The following SLC36A1 variants were observed in gnomAD, a reference collection of about 807,000 sequenced individuals.
SLC36A1 encodes solute carrier family 36 member 1, also known as proton-coupled amino acid transporter 1.
In SLC36A1, 30 loss-of-function variants were observed where a neutral mutation model predicts 47.5. The ratio of observed to expected loss-of-function variants is 0.63; its 90% CI spans 0.47 to 0.86. SLC36A1 has a LOEUF of 0.86. Among genes scored for constraint, SLC36A1 ranks in the 40% least tolerant of loss-of-function variants. The pLI, the probability that SLC36A1 is intolerant of heterozygous loss-of-function variation, is 0.00. For synonymous variants in SLC36A1, 255 were observed against 249.7 expected (o/e 1.02, Z -0.20); for missense variants, 517 against 606.0 (o/e 0.85, Z 1.54).
chr5:151,473,579 T>C, intron 7 of SLC36A1, 94 bp from the exon 8 acceptor site: 1 of 765,656 alleles, frequency 1.3e-6, no homozygotes, highest in South Asian at 1.7e-5. Context: ...TTGGATTTGT[T>C]AAAAGGTATG....
the SLC36A1 span, chr5:151,511,949 C>T: frequency 1.7e-6 from 1 of 577,440 alleles, no homozygotes; most frequent in Non-Finnish European, 3.1e-6. Context: ...CCTCATCCCC[C>T]CAGAAGTAGA....
At chr5:151,418,378 C>T in the SLC36A1 span, among the ~76,000 whole-genome samples, 3 of 152,210 alleles carry the variant, frequency 2.0e-5, no homozygotes, top group Non-Finnish European at 2.9e-5. Flanking sequence ...TCAACACCAG[C>T]CCATGAAAAG....
At chr5:151,466,987 T>TA (rs1365310468) in intron 5 of SLC36A1, among the ~76,000 whole-genome samples, 1 of 152,026 alleles carries the variant, frequency 6.6e-6, no homozygotes, top group Non-Finnish European at 1.5e-5. Flanking sequence ...AAAGCACTGT[T>TA]AAAAAAACAC....
the SLC36A1 span, among the ~76,000 whole-genome samples, chr5:151,535,156 C>G: frequency 6.6e-6 from 1 of 151,886 alleles, no homozygotes; most frequent in African/African-American, 2.4e-5. Flanking sequence ...CAGTAAAACA[C>G]CATGTGTGGT....
At chr5:151,483,523 G>GA (rs1561784276) in intron 10 of SLC36A1, among the ~76,000 whole-genome samples, 1 of 144,528 alleles carries the variant, frequency 6.9e-6, no homozygotes, top group South Asian at 2.1e-4. Context: ...TGTGTGGGGG[G>GA]GGTGATTAGG....
At chr5:151,357,969 C>T in the SLC36A1 span, among the ~76,000 whole-genome samples, 2 of 152,144 alleles carry the variant, frequency 1.3e-5, no homozygotes, top group East Asian at 1.9e-4. Context: ...GTTCAGAGAG[C>T]TCCAGGCTGC....
chr5:151,387,020 T>G, the SLC36A1 span: 1 of 152,248 alleles, frequency 6.6e-6, no homozygotes, highest in African/African-American at 2.4e-5. Context: ...TGGGGCCTGG[T>G]GGAGGGACAG....
At chr5:151,555,969 G>A in the SLC36A1 span, among the ~76,000 whole-genome samples, 4 of 152,112 alleles carry the variant, frequency 2.6e-5, no homozygotes, top group Non-Finnish European at 5.9e-5. Flanking sequence ...GAAGACAAAG[G>A]TCTGGTTTTC....
At chr5:151,462,329 A>C (rs1465769461) in intron 2 of SLC36A1, among the ~76,000 whole-genome samples, 1 of 152,154 alleles carries the variant, frequency 6.6e-6, no homozygotes, top group Non-Finnish European at 1.5e-5. Context: ...CTGCATGGGT[A>C]AAAGATCCAT....
At chr5:151,385,009 A>AGAGAGAGTGTGTGTGTGTGTGTGTGT in the SLC36A1 span, among the ~76,000 whole-genome samples, 74 of 128,498 alleles carry the variant, frequency 5.8e-4, 1 homozygote, top group Non-Finnish European at 9.0e-4. Flanking sequence ...AGAGAGAGAG[A>AGAGAGAGTGTGTGTGTGTGTGTGTGT]GTGTGTGTGT....
the SLC36A1 span, among the ~76,000 whole-genome samples, chr5:151,522,768 T>G: frequency 6.6e-6 from 1 of 152,064 alleles, no homozygotes; most frequent in South Asian, 2.1e-4. Context: ...TGTAAGGTCC[T>G]GGGGTAGGAA....
At chr5:151,382,103 C>A in the SLC36A1 span, 1 of 809,604 alleles carries the variant, frequency 1.2e-6, no homozygotes, top group South Asian at 1.5e-5. Context: ...TGACAGTCAT[C>A]CACATGGTGC....
chr5:151,524,202 A>G, the SLC36A1 span, among the ~76,000 whole-genome samples: 8 of 152,194 alleles, frequency 5.3e-5, no homozygotes, highest in African/African-American at 1.9e-4. Context: ...TTAGATTAGA[A>G]TCTAAAAGTG....
chr5:151,418,888 G>A, the SLC36A1 span, among the ~76,000 whole-genome samples: 31,404 of 151,962 alleles, frequency 0.21, 3,534 homozygotes, highest in East Asian at 0.41. Flanking sequence ...TGTAAACCCT[G>A]TAGTCCCCAT....
chr5:151,489,483 A>T lies in SLC36A1; in HGVS notation c.*1229A>T, dbSNP rs1160100950. On this transcript the variant is annotated 3_prime_UTR_variant, in exon 11 of 11. Transcript: ENST00000243389. This position sits in a 1 kb window ranked among gnomAD's most constrained non-coding sequence, Gnocchi z 4.5. The stretch of plus-strand genomic sequence containing the variant: ...CTACGCGCAGTGCTCGGTTGTTTAC[A>T]ATCAGTGGGGAAAAGGGCAGAACCA... 6.6e-6 allele frequency: 1 copy of T among 152,634 alleles called. No homozygotes were observed. The allele number at this position is 152,634 out of a possible 1,614,324, so 9.5% of individuals were successfully genotyped here. A position where few individuals can be genotyped will look rare whatever the true frequency, so the allele number is the denominator to read the frequency against.
chr5:151,430,256 C>T, the SLC36A1 span, among the ~76,000 whole-genome samples: 1 of 151,212 alleles, frequency 6.6e-6, no homozygotes, highest in Non-Finnish European at 1.5e-5. Context: ...CCTCCATCTC[C>T]TGGGTTCAAA....
chr5:151,534,578 C>T, the SLC36A1 span: 1 of 1,614,144 alleles, frequency 6.2e-7, no homozygotes, highest in African/African-American at 1.3e-5. Flanking sequence ...CATCCGTCGC[C>T]TTGGCAACAA....
the SLC36A1 span, among the ~76,000 whole-genome samples, chr5:151,547,865 G>A: frequency 6.6e-6 from 1 of 152,026 alleles, no homozygotes; most frequent in Non-Finnish European, 1.5e-5. Flanking sequence ...CATTCTTTTG[G>A]GGTGATGAAA....
intron 1 of SLC36A1, among the ~76,000 whole-genome samples, chr5:151,454,589 C>G (rs1220750818): frequency 6.6e-6 from 1 of 151,648 alleles, no homozygotes; most frequent in African/African-American, 2.4e-5. Context: ...ACAGATCTGT[C>G]TTTGATAGAA....
Sources: gnomAD v4.1 joint callset for allele counts (sites outside exome capture counted in the v4.1 genomes callset) on GRCh38, gnomAD v4.1.1 for gene constraint, Gnocchi (gnomAD v3.1) non-coding constraint, MANE v1.5 for transcripts, NCBI Gene and HGNC (gene_info 2026-07-23, HGNC 2026-07-21) for gene names.